ATAD2B: variants seen among roughly 807,000 people sequenced by gnomAD.
ATAD2B encodes ATPase family AAA domain containing 2B, also known as ATPase family AAA domain-containing protein 2B.
Under a neutral mutation model 167.6 loss-of-function variants are expected in ATAD2B, and 40 were observed. The observed-to-expected ratio is 0.24, with a 90% CI of 0.19 to 0.31. The LOEUF (loss-of-function observed/expected upper bound fraction) is 0.31, where lower values mean the gene tolerates loss of function less well. ATAD2B is among the 10% of genes least tolerant of loss of function. The pLI, the probability that ATAD2B is intolerant of heterozygous loss-of-function variation, is 1.00. For missense variants in ATAD2B, 1,242 were observed against 1,757.2 expected (o/e 0.71, Z 5.24); for synonymous variants, 579 against 596.5 (o/e 0.97, Z 0.43).
chr2:23,738,992 A>G, the ATAD2B span, among the ~76,000 whole-genome samples: 1 of 152,256 alleles, frequency 6.6e-6, no homozygotes, highest in Non-Finnish European at 1.5e-5. Flanking sequence ...TTCAACAAGA[A>G]GAACTAACTA....
At chr2:23,829,559 T>C (rs1176112474) in intron 14 of ATAD2B, among the ~76,000 whole-genome samples, 1 of 152,156 alleles carries the variant, frequency 6.6e-6, no homozygotes, top group Admixed American at 6.5e-5. Flanking sequence ...AAGACTAGCC[T>C]GGACAACATA....
At chr2:23,769,003 G>A (rs554550608) in intron 22 of ATAD2B, among the ~76,000 whole-genome samples, 5 of 152,224 alleles carry the variant, frequency 3.3e-5, no homozygotes, top group Admixed American at 2.0e-4. Context: ...AAATATACAC[G>A]TTAATTTTCC....
At chr2:23,886,960 T>C (rs555446815) in intron 4 of ATAD2B, among the ~76,000 whole-genome samples, 14 of 147,470 alleles carry the variant, frequency 9.5e-5, no homozygotes, top group Non-Finnish European at 1.6e-4. Context: ...AAGAAATACA[T>C]GCTAACGTCT....
chr2:23,766,138 T>C (rs1677379871), intron 22 of ATAD2B, among the ~76,000 whole-genome samples: 1 of 152,244 alleles, frequency 6.6e-6, no homozygotes, highest in Middle Eastern at 3.4e-3. Context: ...AGAAAGACTT[T>C]CTAAGCTAAA....
chr2:23,834,796 T>C (rs985879712), intron 13 of ATAD2B, among the ~76,000 whole-genome samples: 1 of 152,112 alleles, frequency 6.6e-6, no homozygotes, highest in Non-Finnish European at 1.5e-5. Flanking sequence ...TGCATGCCTA[T>C]AATCCCAGCA....
the ATAD2B span, among the ~76,000 whole-genome samples, chr2:23,718,201 G>A: frequency 6.6e-6 from 1 of 152,136 alleles, no homozygotes; most frequent in Non-Finnish European, 1.5e-5. Context: ...CCCACAGGGT[G>A]GGTTTGCCTT....
chr2:23,875,846 T>C lies in ATAD2B; in HGVS notation c.960A>G (p.Ala320=). ...AACCTTACCTAATATGGCTTCTTCT[T>C]GCTGGAGATCTATGAATATCAAACA... The part of the protein sequence containing the change: ...NTLFDIHRSP[A]RRSHIRRKKH... The change falls in exon 8 of 28, where the codon GCA becomes GCG. Residue 320 remains alanine (A), a synonymous_variant. Transcript: ENST00000238789. 3 of 1,609,452 alleles carry C rather than the reference T, an allele frequency of 1.9e-6. No homozygotes were observed. Among genetic ancestry groups the C allele is most frequent in the Non-Finnish European group, 2.5e-6 (3 of 1,177,504 alleles).
chr2:23,906,816 C>T (rs1368442329), intron 1 of ATAD2B, among the ~76,000 whole-genome samples: 9 of 151,892 alleles, frequency 5.9e-5, no homozygotes, highest in Non-Finnish European at 1.0e-4. Context: ...GTTCAATACA[C>T]GCAAATCAAT....
At chr2:23,921,285 C>A (rs1703900990) in intron 1 of ATAD2B, among the ~76,000 whole-genome samples, 1 of 146,280 alleles carries the variant, frequency 6.8e-6, no homozygotes, top group South Asian at 2.1e-4. Context: ...ACGGATAATG[C>A]ACACAAATGA....
chr2:23,917,433 A>G (rs1456400454), intron 1 of ATAD2B, among the ~76,000 whole-genome samples: 1 of 152,238 alleles, frequency 6.6e-6, no homozygotes, highest in Non-Finnish European at 1.5e-5. Flanking sequence ...TAAAGTATGA[A>G]ACATTTTTTC....
downstream of ATAD2B, among the ~76,000 whole-genome samples, chr2:23,744,248 C>T (rs949480554): frequency 3.4e-4 from 51 of 149,060 alleles, no homozygotes; most frequent in Non-Finnish European, 7.4e-4. Context: ...AAATAATCAG[C>T]TACAGGTGTT....
intron 8 of ATAD2B, chr2:23,872,145 G>T: frequency 3.7e-6 from 1 of 270,706 alleles, no homozygotes; most frequent in Non-Finnish European, 7.3e-6. Context: ...CAAACTGCTG[G>T]GATTACAGGC....
At position 23,834,050 on chromosome 2, in the gene ATAD2B, T is replaced by A; in HGVS notation, c.1597A>T (p.Met533Leu). 1 of 1,599,220 alleles carries A rather than the reference T, an allele frequency of 6.3e-7. No homozygotes were observed. The highest frequency in any genetic ancestry group is 2.3e-5 in the East Asian group (1 of 44,160). Residue 533 changes from methionine to leucine, a missense_variant, in exon 14 of 28, where the codon ATG becomes TTG. Transcript: ENST00000238789. ...TCACCCCTATTATCTAATCCATCCATAAGAGCAAGGAGGGTTGATACTATA... is the reference window on the plus strand; with the variant it reads ...TCACCCCTATTATCTAATCCATCCAAAAGAGCAAGGAGGGTTGATACTATA... ...SSIVSTLLAL[M>L]DGLDNRGEIV...
At chr2:23,684,448 C>T in the ATAD2B span, 5 of 1,550,788 alleles carry the variant, frequency 3.2e-6, no homozygotes, top group East Asian at 7.3e-5. The surrounding 1 kb of genome is among the most constrained non-coding windows in gnomAD (Gnocchi z 4.4). Flanking sequence ...CGTTTACAGA[C>T]CTGAAAATTG....
intron 19 of ATAD2B, among the ~76,000 whole-genome samples, chr2:23,794,368 G>GATTCTCATTTCTGCTTCTGT (rs1682276615): frequency 6.6e-6 from 1 of 152,190 alleles, no homozygotes; most frequent in South Asian, 2.1e-4. Context: ...AAGACCACTG[G>GATTCTCATTTCTGCTTCTGT]ATTCTCATTT....
intron 10 of ATAD2B, among the ~76,000 whole-genome samples, chr2:23,866,223 T>C (rs901290804): frequency 6.6e-6 from 1 of 152,076 alleles, no homozygotes; most frequent in South Asian, 2.1e-4. Flanking sequence ...TTGACCAACA[T>C]GGAAAAATCC....
the ATAD2B span, among the ~76,000 whole-genome samples, chr2:23,718,810 C>T: frequency 5.3e-5 from 8 of 152,202 alleles, no homozygotes; most frequent in Non-Finnish European, 5.9e-5. Flanking sequence ...CCAGAGGCCG[C>T]GTGTACTTCC....
Position 23,873,859 on chromosome 2 carries a change from T to C in ATAD2B, c.977+1970A>G, listed in dbSNP as rs551263451. Among the ~76,000 whole-genome samples, 14 of 152,356 alleles carry C rather than the reference T, an allele frequency of 9.2e-5. No individual in the cohort carries two copies. In the East Asian group the frequency reaches 2.3e-3, roughly 25 times the overall value. On this transcript the variant is annotated intron_variant, in intron 8 of 27. Transcript: ENST00000238789. The stretch of plus-strand genomic sequence containing the variant: ...CAATAATACAACAAAAATAGTGGTA[T>C]ACATAATTTCCCAGTAAATAACTGA...
chr2:23,878,024 A>AAAAAAAAAAAAAAAG (rs1697234022), intron 7 of ATAD2B, among the ~76,000 whole-genome samples: 2 of 143,518 alleles, frequency 1.4e-5, no homozygotes, highest in Non-Finnish European at 3.1e-5. Flanking sequence ...GAAAAAAAAA[A>AAAAAAAAAAAAAAAG]AAAAAAAAAA....
Sources: allele counts gnomAD v4.1 joint callset (sites outside exome capture counted in the v4.1 genomes callset), GRCh38; gene constraint gnomAD v4.1.1; non-coding constraint Gnocchi (gnomAD v3.1); transcripts MANE v1.5; gene names NCBI Gene and HGNC (gene_info 2026-07-23, HGNC 2026-07-21).